LRFN4: variants seen among roughly 807,000 people sequenced by gnomAD.
LRFN4 encodes leucine-rich repeat and fibronectin type-III domain-containing protein 4.
LRFN4 carries 10 observed loss-of-function variants against 29.0 expected under a neutral mutation model. The observed-to-expected ratio is 0.35, with a 90% confidence interval of 0.21 to 0.59. The LOEUF is 0.59. LRFN4 is among the 20% of genes least tolerant of loss of function. The pLI, the probability that LRFN4 is intolerant of heterozygous loss-of-function variation, is 0.82. For synonymous variants in LRFN4, 493 were observed against 437.0 expected (o/e 1.13, Z -1.60); for missense variants, 850 against 907.9 (o/e 0.94, Z 0.82).
Position 66,860,276 on chromosome 11 carries a change from C to A in LRFN4, c.*81C>A, listed in dbSNP as rs866195127. The A allele has an allele frequency of 6.6e-7, 1 of 1,518,226 alleles. No homozygotes were observed. The highest frequency in any genetic ancestry group is 1.2e-5 in the South Asian group (1 of 83,718). The allele number at this position is 1,518,226 out of a possible 1,614,324, so 94.0% of individuals were successfully genotyped here. ...CGGGGCCGCCGCCTGGCCTGGGAGT[C>A]CCTCCCTGGTTTTTATTCTCAGTAC... On this transcript the variant is annotated 3_prime_UTR_variant, in exon 2 of 2. Transcript: ENST00000309602.
chr11:66,857,793 T>C lies in LRFN4; in HGVS notation c.49T>C (p.Cys17Arg), dbSNP rs1420048945. The C allele has an allele frequency of 6.3e-7, 1 of 1,598,248 alleles. No individual in the cohort carries two copies. Among genetic ancestry groups the C allele is most frequent in the South Asian group, 1.1e-5 (1 of 91,000 alleles). Reference sequence around the variant, plus strand: ...GCTGCTGGCCAGTGGAGCGGCCGCCTGCCCGCTGCCCTGCGTCTGCCAGAA... The same window carrying C: ...GCTGCTGGCCAGTGGAGCGGCCGCCCGCCCGCTGCCCTGCGTCTGCCAGAA... ...LLLLASGAAA[C>R]PLPCVCQNLS... The change falls in exon 1 of 2, where the codon TGC (cysteine) becomes CGC (arginine). Residue 17 changes from cysteine (C) to arginine (R), a missense_variant. Transcript: ENST00000309602. This position sits in a 1 kb window ranked among gnomAD's most constrained non-coding sequence, Gnocchi z 7.1.
In LRFN4 at chr11:66,857,495, G is replaced by A. The variant is rs1591143410; in HGVS notation, c.-250G>A. 5.2e-5 allele frequency: 25 copies of A among 479,130 alleles called. No individual in the cohort carries two copies. In the East Asian group the frequency reaches 8.0e-4, roughly 15 times the overall value. 29.7% of individuals were successfully genotyped at this position (479,130 alleles called of 1,614,324 possible). A position where few individuals can be genotyped will look rare whatever the true frequency, so the allele number is the denominator to read the frequency against. On this transcript the variant is annotated 5_prime_UTR_variant, in exon 1 of 2. The change abolishes an upstream ATG in the 5' untranslated region. Transcript: ENST00000309602. This position sits in a 1 kb window ranked among gnomAD's most constrained non-coding sequence, Gnocchi z 7.1. ...GGTCCTCCTCCGCTTCCTGCCTCATGCCTCACCTTGTCCCCAGCGCCTGGA... is the reference window on the plus strand; with the variant it reads ...GGTCCTCCTCCGCTTCCTGCCTCATACCTCACCTTGTCCCCAGCGCCTGGA...
At position 66,859,795 on chromosome 11, in the gene LRFN4, CGCCCCT is replaced by C. The variant is rs1565228362; in HGVS notation, c.1510_1515del (p.Pro504_Leu505del). On this transcript the variant is annotated inframe_deletion, in exon 2 of 2. Transcript: ENST00000309602. ...GCCCATTTCTCCACGCTGCCGGCCT[CGCCCCT>C]GTGCCACGCCCTGCAGGCCCACGTG... 6.3e-7 allele frequency: 1 copy of C among 1,595,162 alleles called. No homozygotes were observed. The highest frequency in any genetic ancestry group is 8.5e-7 in the Non-Finnish European group (1 of 1,170,790).
At position 66,858,892 on chromosome 11, in the gene LRFN4, G is replaced by A. The variant is rs748403576; in HGVS notation, c.1148G>A (p.Arg383His). The A allele has an allele frequency of 4.5e-6, 7 of 1,557,592 alleles. No homozygotes were observed. Among genetic ancestry groups the A allele is most frequent in the Admixed American group, 1.9e-5 (1 of 52,950 alleles). ...HGGNSSAEGG[R>H]PGPSDIAASA... ...GGGAACAGCAGTGCCGAGGGGGGCC[G>A]CCCCGGGCCCTCGGACATCGCCGCC... is the stretch of plus-strand genomic sequence containing the variant. The change falls in exon 1 of 2, where the codon CGC (arginine) becomes CAC (histidine). Residue 383 changes from arginine (R) to histidine (H), a missense_variant. Arg to His is a conservative substitution (Grantham distance 29, BLOSUM62 0). Transcript: ENST00000309602. The surrounding 1 kb of genome is among the most constrained non-coding windows in gnomAD (Gnocchi z 5.9).
rs1186156830 is a variant in LRFN4, at chr11:66,860,311, C to T, written c.*116C>T. On this transcript the variant is annotated 3_prime_UTR_variant, in exon 2 of 2. Coordinates refer to ENST00000309602, the MANE Select transcript of LRFN4 (RefSeq NM_024036.5). ...TTTTTATTCTCAGTACCTCAGGCTC[C>T]CCTGTGTACTTGGAGGGGCAGGGAG... is the stretch of plus-strand genomic sequence containing the variant. The T allele has an allele frequency of 4.2e-6, 6 of 1,420,270 alleles. No individual in the cohort carries two copies. The highest frequency in any genetic ancestry group is 2.8e-5 in the African/African-American group (2 of 70,814). The allele number at this position is 1,420,270 out of a possible 1,614,324, so 88.0% of individuals were successfully genotyped here.
In LRFN4 at chr11:66,858,030, G is replaced by A. The variant is rs1257656377; in HGVS notation, c.286G>A (p.Glu96Lys). 1.9e-6 allele frequency: 3 copies of A among 1,611,646 alleles called. No individual in the cohort carries two copies. Among genetic ancestry groups the A allele is most frequent in the Non-Finnish European group, 2.5e-6 (3 of 1,179,856 alleles). Residue 96 changes from glutamate (E) to lysine (K), a missense_variant, in exon 1 of 2, where the codon GAG becomes AAG. Transcript: ENST00000309602. The surrounding 1 kb of genome is among the most constrained non-coding windows in gnomAD (Gnocchi z 5.9). ...RIGARAFGDLESLRSLHLDGN... is the reference protein window; with the variant it reads ...RIGARAFGDLKSLRSLHLDGN... ...TGGGGCCCGCGCCTTTGGGGACCTC[G>A]AGAGCCTGCGTTCCCTCCACCTTGA... is the stretch of plus-strand genomic sequence containing the variant.
At position 66,860,185 on chromosome 11, in the gene LRFN4, G is replaced by A; in HGVS notation, c.1898G>A (p.Ser633Asn). ...VGGSAERLEESVV is the reference protein window; with the variant it reads ...VGGSAERLEENVV ...GGCAGCGCCGAGCGGCTGGAAGAGA[G>A]TGTGGTGTGATGGACGGGCAGCTTC... is the stretch of plus-strand genomic sequence containing the variant. The change falls in exon 2 of 2, where the codon AGT becomes AAT. Residue 633 changes from serine to asparagine, a missense_variant. Transcript: ENST00000309602. 3 of 1,545,408 alleles carry A rather than the reference G, an allele frequency of 1.9e-6. No homozygotes were observed. Among genetic ancestry groups the A allele is most frequent in the Non-Finnish European group, 2.6e-6 (3 of 1,147,540 alleles).
In LRFN4 at chr11:66,857,808, G is replaced by A. The variant is rs751272045; in HGVS notation, c.64G>A (p.Val22Ile). 5.0e-6 allele frequency: 8 copies of A among 1,601,218 alleles called. No individual in the cohort carries two copies. Among genetic ancestry groups the A allele is most frequent in the South Asian group, 3.3e-5 (3 of 91,052 alleles). Residue 22 changes from valine to isoleucine, a missense_variant, in exon 1 of 2, where the codon GTC becomes ATC. Around this residue, in one of 2 missense-constraint regions of LRFN4, gnomAD observed 106 missense variants for 154.2 expected, o/e 0.69. Coordinates refer to ENST00000309602, the MANE Select transcript of LRFN4 (RefSeq NM_024036.5). This position sits in a 1 kb window ranked among gnomAD's most constrained non-coding sequence, Gnocchi z 7.1. ...AGCGGCCGCCTGCCCGCTGCCCTGC[G>A]TCTGCCAGAACCTGTCCGAGTCGCT... ...SGAAACPLPCVCQNLSESLST... is the reference protein window; with the variant it reads ...SGAAACPLPCICQNLSESLST...
rs781135899 is a variant in LRFN4 at position 66,859,031 on chromosome 11, C to T, written c.1287C>T (p.Ala429=). The T allele has an allele frequency of 6.6e-6, 10 of 1,508,032 alleles. No homozygotes were observed. The highest frequency in any genetic ancestry group is 2.8e-5 in the African/African-American group (2 of 71,072). The allele number at this position is 1,508,032 out of a possible 1,614,324, so 93.4% of individuals were successfully genotyped here. A position where few individuals can be genotyped will look rare whatever the true frequency, so the allele number is the denominator to read the frequency against. Residue 429 remains alanine, a synonymous_variant, in exon 1 of 2, where the codon GCC becomes GCT. Transcript: ENST00000309602. ...TGAGCTGGGGTCCCGGGCGGCCAGC[C>T]GACCCAGTGTGGATGTTCCAAATCC... ...GLVSWGPGRP[A]DPVWMFQIQY...
chr11:66,857,107 C>G lies in LRFN4; in HGVS notation c.-638C>G, dbSNP rs1325744546. The G allele has an allele frequency of 1.4e-5, 2 of 147,858 alleles. No homozygotes were observed. The highest frequency in any genetic ancestry group is 4.9e-5 in the African/African-American group (2 of 41,104). 9.2% of individuals were successfully genotyped at this position (147,858 alleles called of 1,614,324 possible). A position where few individuals can be genotyped will look rare whatever the true frequency, so the allele number is the denominator to read the frequency against. ...GCCTGTCGCCGCCGCCACCGCTAAC[C>G]GCGCCGGGAAAAGGTGCCGGGAACC... On this transcript the variant is annotated 5_prime_UTR_variant, in exon 1 of 2. Transcript: ENST00000309602. The surrounding 1 kb of genome is among the most constrained non-coding windows in gnomAD (Gnocchi z 7.1).
Position 66,858,879 on chromosome 11 carries a change from G to A in LRFN4, c.1135G>A (p.Ala379Thr). 1 of 1,550,862 alleles carries A rather than the reference G, an allele frequency of 6.4e-7. No homozygotes were observed. Among genetic ancestry groups the A allele is most frequent in the Non-Finnish European group, 8.7e-7 (1 of 1,147,440 alleles). Reference sequence around the variant, plus strand: ...CTTGCCCCATGGTGGGAACAGCAGTGCCGAGGGGGGCCGCCCCGGGCCCTC... The same window carrying A: ...CTTGCCCCATGGTGGGAACAGCAGTACCGAGGGGGGCCGCCCCGGGCCCTC... ...LALPHGGNSS[A>T]EGGRPGPSDI... is the part of the protein sequence containing the mutation. The change falls in exon 1 of 2, where the codon GCC becomes ACC. Residue 379 changes from alanine (A) to threonine (T), a missense_variant. By Grantham distance (58) the Ala-to-Thr change is moderately conservative (BLOSUM62 0). Around this residue, in one of 2 missense-constraint regions of LRFN4, gnomAD observed 744 missense variants for 753.8 expected, o/e 0.99. Coordinates refer to ENST00000309602, the MANE Select transcript of LRFN4 (RefSeq NM_024036.5). The surrounding 1 kb of genome is among the most constrained non-coding windows in gnomAD (Gnocchi z 5.9).
In LRFN4 at chr11:66,857,906, G is replaced by T. The variant is rs1436865838; in HGVS notation, c.162G>T (p.Arg54=). 4 of 1,611,976 alleles carry T rather than the reference G, an allele frequency of 2.5e-6. No individual in the cohort carries two copies. Among genetic ancestry groups the T allele is most frequent in the Non-Finnish European group, 3.4e-6 (4 of 1,179,914 alleles). The change falls in exon 1 of 2, where the codon CGG becomes CGT. Residue 54 remains arginine (R), a synonymous_variant. Coordinates refer to ENST00000309602, the MANE Select transcript of LRFN4 (RefSeq NM_024036.5). The surrounding 1 kb of genome is among the most constrained non-coding windows in gnomAD (Gnocchi z 7.1). ...TGGACCGGCGCACAGTGGAGCTGCGGCTGGCTGACAACTTCATCCAGGCCC... is the reference window on the plus strand; with the variant it reads ...TGGACCGGCGCACAGTGGAGCTGCGTCTGGCTGACAACTTCATCCAGGCCC... ...PNVDRRTVEL[R]LADNFIQALG...
At position 66,858,523 on chromosome 11, in the gene LRFN4, C is replaced by T. The variant is rs1172970218; in HGVS notation, c.779C>T (p.Pro260Leu). The T allele has an allele frequency of 5.2e-6, 8 of 1,534,434 alleles. No individual in the cohort carries two copies. The highest frequency in any genetic ancestry group is 7.0e-6 in the Non-Finnish European group (8 of 1,145,694). ...RPDDLETCAS[P>L]PGLAGRYFWA... ...GACGACCTGGAAACGTGCGCCTCCCCGCCCGGCCTGGCCGGCCGCTACTTC... is the reference window on the plus strand; with the variant it reads ...GACGACCTGGAAACGTGCGCCTCCCTGCCCGGCCTGGCCGGCCGCTACTTC... The change falls in exon 1 of 2, where the codon CCG becomes CTG. Residue 260 changes from proline (P) to leucine (L), a missense_variant. Pro to Leu is a moderately conservative substitution (Grantham distance 98, BLOSUM62 -3). Coordinates refer to ENST00000309602, the MANE Select transcript of LRFN4 (RefSeq NM_024036.5). This position sits in a 1 kb window ranked among gnomAD's most constrained non-coding sequence, Gnocchi z 5.9.
Position 66,860,023 on chromosome 11 carries a change from G to A in LRFN4, c.1736G>A (p.Arg579Gln), listed in dbSNP as rs779077700. 7 of 1,586,054 alleles carry A rather than the reference G, an allele frequency of 4.4e-6. No individual in the cohort carries two copies. The highest frequency in any genetic ancestry group is 1.7e-4 in the Middle Eastern group (1 of 5,778). ...CACCCGCCGCGGAGCCCCCCGCCCC[G>A]GCCGCAGCGCAGCTGCTCTCTGGAC... ...KAHPPRSPPP[R>Q]PQRSCSLDLG... The change falls in exon 2 of 2, where the codon CGG becomes CAG. Residue 579 changes from arginine (R) to glutamine (Q), a missense_variant. By Grantham distance (43) the Arg-to-Gln change is conservative. Transcript: ENST00000309602.
chr11:66,859,708 T>C lies in LRFN4; in HGVS notation c.1421T>C (p.Leu474Pro). ...LVPGADYDLC[L>P]LALSPAAGPS... ...CCCGGCGCTGACTATGACCTCTGCC[T>C]GCTGGCCTTGTCACCGGCCGCTGGG... Residue 474 changes from leucine (L) to proline (P), a missense_variant, in exon 2 of 2, where the codon CTG becomes CCG. Physicochemically the swap from Leu to Pro is moderately conservative, Grantham distance 98. Around this residue, in one of 2 missense-constraint regions of LRFN4, gnomAD observed 744 missense variants for 753.8 expected, o/e 0.99. Coordinates refer to ENST00000309602, the MANE Select transcript of LRFN4 (RefSeq NM_024036.5). The C allele has an allele frequency of 6.2e-7, 1 of 1,612,458 alleles. No individual in the cohort carries two copies. The highest frequency in any genetic ancestry group is 8.5e-7 in the Non-Finnish European group (1 of 1,179,702).
In LRFN4 at chr11:66,859,930, G is replaced by A. The variant is rs1030431077; in HGVS notation, c.1643G>A (p.Arg548His). 9 of 1,588,444 alleles carry A rather than the reference G, an allele frequency of 5.7e-6. No individual in the cohort carries two copies. Among genetic ancestry groups the A allele is most frequent in the African/African-American group, 5.4e-5 (4 of 74,266 alleles). ...CGGGGCCGGGGGGCCGGAAATGGCCGCCTCCCCCTCAAGCTCAGCCACGTC... is the reference window on the plus strand; with the variant it reads ...CGGGGCCGGGGGGCCGGAAATGGCCACCTCCCCCTCAAGCTCAGCCACGTC... Reference protein sequence around the residue: ...LVRGRGAGNGRLPLKLSHVQS... With the variant: ...LVRGRGAGNGHLPLKLSHVQS... The change falls in exon 2 of 2, where the codon CGC becomes CAC. Residue 548 changes from arginine (R) to histidine (H), a missense_variant. This residue lies in a region of LRFN4 where 744 missense variants were observed against 753.8 expected (regional missense o/e 0.99). Coordinates refer to ENST00000309602, the MANE Select transcript of LRFN4 (RefSeq NM_024036.5).
rs749213323 is a variant in LRFN4 at position 66,858,969 on chromosome 11, G to A, written c.1225G>A (p.Val409Met). Residue 409 changes from valine (V) to methionine (M), a missense_variant, in exon 1 of 2, where the codon GTG becomes ATG. Around this residue, in one of 2 missense-constraint regions of LRFN4, gnomAD observed 744 missense variants for 753.8 expected, o/e 0.99. Coordinates refer to ENST00000309602, the MANE Select transcript of LRFN4 (RefSeq NM_024036.5). This position sits in a 1 kb window ranked among gnomAD's most constrained non-coding sequence, Gnocchi z 5.9. ...GGGGACGCTGGAGTCTGAGCCAGCC[G>A]TGCAGGTGACGGAGGTGACCGCCAC... ...GEGTLESEPA[V>M]QVTEVTATSG... is the part of the protein sequence containing the mutation. 13 of 1,573,152 alleles carry A rather than the reference G, an allele frequency of 8.3e-6. No individual in the cohort carries two copies. The highest frequency in any genetic ancestry group is 3.5e-5 in the South Asian group (3 of 86,466).
chr11:66,857,644 C>G lies in LRFN4; in HGVS notation c.-101C>G. On this transcript the variant is annotated 5_prime_UTR_variant, in exon 1 of 2. Coordinates refer to ENST00000309602, the MANE Select transcript of LRFN4 (RefSeq NM_024036.5). This position sits in a 1 kb window ranked among gnomAD's most constrained non-coding sequence, Gnocchi z 7.1. ...TGACCCAGCCCCTCCCCGGGCCAGG[C>G]TCACAGAAGCTGGCTTCTGGGACTG... The G allele has an allele frequency of 1.5e-6, 2 of 1,326,156 alleles. No individual in the cohort carries two copies. Among genetic ancestry groups the G allele is most frequent in the Non-Finnish European group, 2.0e-6 (2 of 993,206 alleles). 82.1% of individuals were successfully genotyped at this position (1,326,156 alleles called of 1,614,324 possible). A position where few individuals can be genotyped will look rare whatever the true frequency, so the allele number is the denominator to read the frequency against.
chr11:66,859,978 C>A lies in LRFN4; in HGVS notation c.1691C>A (p.Pro564His), dbSNP rs1294497210. ...SHVQSQTNGG[P>H]SPTPKAHPPR... ...GTCCAGTCCCAGACCAATGGAGGCC[C>A]CAGCCCCACACCCAAGGCCCACCCG... is the stretch of plus-strand genomic sequence containing the variant. Residue 564 changes from proline (P) to histidine (H), a missense_variant, in exon 2 of 2, where the codon CCC (proline) becomes CAC (histidine). Pro to His is a moderately conservative substitution (Grantham distance 77). Transcript: ENST00000309602. The A allele has an allele frequency of 3.1e-6, 5 of 1,601,224 alleles. No homozygotes were observed. The highest frequency in any genetic ancestry group is 4.3e-6 in the Non-Finnish European group (5 of 1,174,104).
Sources: gnomAD v4.1 joint callset for allele counts on GRCh38, gnomAD v4.1.1 for gene constraint, gnomAD v4.1.1 regional missense constraint, Gnocchi (gnomAD v3.1) non-coding constraint, MANE v1.5 for transcripts, NCBI Gene and HGNC (gene_info 2026-07-23, HGNC 2026-07-21) for gene names.